The following MARCHF1 variants were observed in gnomAD, a reference collection of about 807,000 sequenced individuals.
The protein encoded by MARCHF1 is E3 ubiquitin-protein ligase MARCHF1.
MARCHF1 carries 40 observed loss-of-function variants against 54.2 expected under a neutral mutation model. The ratio of observed to expected loss-of-function variants is 0.74; its 90% confidence interval spans 0.57 to 0.96. The LOEUF is 0.96. Ranked by LOEUF, MARCHF1 falls within the 40% of genes least tolerant of loss-of-function variation. The pLI is 0.00. For missense variants in MARCHF1, 586 were observed against 656.5 expected (o/e 0.89, Z 1.17); for synonymous variants, 236 against 236.3 (o/e 1.00, Z 0.01).
intron 2 of MARCHF1, chr4:164,055,409 A>T (rs1256395955): frequency 6.7e-6 from 1 of 150,160 alleles, no homozygotes; most frequent in Non-Finnish European, 1.5e-5. Flanking sequence ...GCGCCACTGC[A>T]CTCCAGCCTG....
chr4:164,221,343 T>C (rs1732104830), intron 1 of MARCHF1, among the ~76,000 whole-genome samples: 1 of 151,758 alleles, frequency 6.6e-6, no homozygotes, highest in Non-Finnish European at 1.5e-5. Flanking sequence ...AATAAGAAAT[T>C]ACACAAATAA....
intron 8 of MARCHF1, among the ~76,000 whole-genome samples, chr4:163,565,667 A>G (rs1466593740): frequency 6.6e-6 from 1 of 152,172 alleles, no homozygotes; most frequent in Admixed American, 6.5e-5. Flanking sequence ...GGTTTCACTC[A>G]AAAGTCTGCT....
In MARCHF1 at chr4:163,637,162, T is replaced by A. The variant is rs1398800640; in HGVS notation, c.163-23769A>T. Among the ~76,000 whole-genome samples, 1,157 of 151,222 alleles carry A rather than the reference T, an allele frequency of 7.7e-3. 14 individuals are homozygous for A. The highest frequency in any genetic ancestry group is 0.026 in the African/African-American group (1,059 of 40,666). On this transcript the variant is annotated intron_variant, in intron 5 of 9. Transcript: ENST00000514618. ...AAAACCCTAGAAGAAAACCTAGGCT[T>A]TACCATTCAGGACATAGGCATGGGC...
chr4:163,800,795 C>A (rs1015518649), intron 4 of MARCHF1, among the ~76,000 whole-genome samples: 1 of 152,032 alleles, frequency 6.6e-6, no homozygotes, highest in Non-Finnish European at 1.5e-5. Context: ...AAAATGCAAA[C>A]CTTTTAAAGG....
intron 2 of MARCHF1, among the ~76,000 whole-genome samples, chr4:164,072,829 A>G (rs903157462): frequency 6.6e-6 from 1 of 152,104 alleles, no homozygotes; most frequent in Admixed American, 6.6e-5. Context: ...ATATTAGGCA[A>G]TGGAGAAGAT....
chr4:163,969,474 G>A (rs536876503), intron 3 of MARCHF1, among the ~76,000 whole-genome samples: 1 of 152,276 alleles, frequency 6.6e-6, no homozygotes, highest in African/African-American at 2.4e-5. Context: ...GTTGGAACAT[G>A]ACAGAACAAC....
At chr4:164,315,094 A>C (rs1246354793) in intron 1 of MARCHF1, among the ~76,000 whole-genome samples, 2 of 152,118 alleles carry the variant, frequency 1.3e-5, no homozygotes, top group Non-Finnish European at 2.9e-5. Flanking sequence ...GAGATGACCA[A>C]GCTACATTTT....
intron 1 of MARCHF1, among the ~76,000 whole-genome samples, chr4:164,217,399 TTC>T (rs1355420455): frequency 1.3e-5 from 2 of 152,176 alleles, no homozygotes; most frequent in Non-Finnish European, 2.9e-5. Context: ...AACAAAATGA[TTC>T]TGTGTATTCA....
At chr4:163,754,770 A>C (rs542071488) in intron 4 of MARCHF1, among the ~76,000 whole-genome samples, 2 of 152,286 alleles carry the variant, frequency 1.3e-5, no homozygotes, top group African/African-American at 4.8e-5. Context: ...CTTTACACTT[A>C]CACAGGAAAA....
intron 1 of MARCHF1, among the ~76,000 whole-genome samples, chr4:164,139,545 C>A (rs1424936423): frequency 1.3e-5 from 2 of 151,562 alleles, no homozygotes; most frequent in African/African-American, 4.8e-5. Context: ...AAAGGACAAC[C>A]TTCTGTCACA....
chr4:163,651,386 C>T (rs1026837320), intron 5 of MARCHF1, among the ~76,000 whole-genome samples: 2 of 151,856 alleles, frequency 1.3e-5, no homozygotes, highest in Non-Finnish European at 2.9e-5. Context: ...ATATTTTCCC[C>T]TGGTTCCAAA....
At chr4:164,240,828 G>T (rs563896464) in intron 1 of MARCHF1, among the ~76,000 whole-genome samples, 7 of 152,084 alleles carry the variant, frequency 4.6e-5, no homozygotes, top group African/African-American at 1.4e-4. Context: ...TCCATTCCTT[G>T]TTTGGGGACT....
chr4:163,955,322 A>T (rs944877483), intron 3 of MARCHF1, among the ~76,000 whole-genome samples: 17 of 150,146 alleles, frequency 1.1e-4, no homozygotes, highest in African/African-American at 4.2e-4. Context: ...CTCTCACATA[A>T]TAGAGGATAG....
intron 1 of MARCHF1, among the ~76,000 whole-genome samples, chr4:164,315,461 T>C (rs1159206385): frequency 6.6e-6 from 1 of 152,124 alleles, no homozygotes; most frequent in Non-Finnish European, 1.5e-5. Context: ...ATGCAGACTA[T>C]ATTCCATATT....
intron 4 of MARCHF1, among the ~76,000 whole-genome samples, chr4:163,810,067 C>T (rs1748342089): frequency 6.6e-6 from 1 of 151,944 alleles, no homozygotes; most frequent in Non-Finnish European, 1.5e-5. Flanking sequence ...CAAGATACAA[C>T]TGGGAAAGAC....
chr4:164,196,355 TAAAATA>T (rs1358262414), intron 1 of MARCHF1, among the ~76,000 whole-genome samples: 2 of 152,060 alleles, frequency 1.3e-5, no homozygotes, highest in Non-Finnish European at 2.9e-5. Flanking sequence ...AACATGCTAT[TAAAATA>T]AAATTCTGAG....
intron 4 of MARCHF1, among the ~76,000 whole-genome samples, chr4:163,731,271 C>G (rs2111325173): frequency 6.6e-6 from 1 of 152,236 alleles, no homozygotes; most frequent in East Asian, 1.9e-4. Flanking sequence ...ATTGCATGGT[C>G]AGCATTAATT....
chr4:163,802,396 A>C (rs987795395), intron 4 of MARCHF1, among the ~76,000 whole-genome samples: 1 of 152,090 alleles, frequency 6.6e-6, no homozygotes, highest in Non-Finnish European at 1.5e-5. Flanking sequence ...TAAAAGTCAA[A>C]CACATTTCAA....
intron 1 of MARCHF1, among the ~76,000 whole-genome samples, chr4:164,217,775 A>G (rs1731974501): frequency 6.6e-6 from 1 of 152,208 alleles, no homozygotes. Context: ...GAAGCCTAAA[A>G]GGTGCTCCCC....
Sources: gnomAD v4.1 joint callset for allele counts (sites outside exome capture counted in the v4.1 genomes callset) on GRCh38, gnomAD v4.1.1 for gene constraint, MANE v1.5 for transcripts, NCBI Gene and HGNC (gene_info 2026-07-23, HGNC 2026-07-21) for gene names.